The following NEIL3 variants were observed in gnomAD, a reference collection of about 807,000 sequenced individuals.
NEIL3 encodes endonuclease 8-like 3.
NEIL3 carries 48 observed loss-of-function variants against 57.5 expected under a neutral mutation model. The observed-to-expected ratio is 0.83, with a 90% CI of 0.66 to 1.06. The LOEUF (loss-of-function observed/expected upper bound fraction) is 1.06, where lower values mean the gene tolerates loss of function less well. Among genes scored for constraint, NEIL3 ranks in the 50% least tolerant of loss-of-function variants. NEIL3 has a pLI of 0.00. For synonymous variants in NEIL3, 261 were observed against 253.2 expected, an observed-to-expected ratio of 1.03 and a Z score of -0.29; for missense variants, 717 against 739.1, an observed-to-expected ratio of 0.97 and a Z score of 0.35.
chr4:177,324,485 C>T (rs1035280011), intron 2 of NEIL3, among the ~76,000 whole-genome samples: 27 of 152,114 alleles, frequency 1.8e-4, no homozygotes, highest in African/African-American at 6.5e-4. Flanking sequence ...CTGTAAAAAT[C>T]CACACATCAG....
intron 7 of NEIL3, among the ~76,000 whole-genome samples, chr4:177,352,341 G>T (rs1165806213): frequency 6.6e-6 from 1 of 152,174 alleles, no homozygotes; most frequent in Non-Finnish European, 1.5e-5. Flanking sequence ...CTTCAGCAGA[G>T]GCGGAGCCCA....
intron 6 of NEIL3, among the ~76,000 whole-genome samples, chr4:177,348,323 C>T (rs986882348): frequency 6.6e-6 from 1 of 151,994 alleles, no homozygotes; most frequent in East Asian, 1.9e-4. Context: ...GCCTCAGGTT[C>T]CCCCCCTCTA....
chr4:177,314,836 G>T (rs2111109757), intron 1 of NEIL3, among the ~76,000 whole-genome samples: 1 of 152,232 alleles, frequency 6.6e-6, no homozygotes, highest in South Asian at 2.1e-4. Context: ...CCAGCACTTT[G>T]GGAGGCTGAG....
At chr4:177,361,114 C>G (rs1735599880) in intron 9 of NEIL3, among the ~76,000 whole-genome samples, 1 of 129,384 alleles carries the variant, frequency 7.7e-6, no homozygotes, top group Non-Finnish European at 1.7e-5. Flanking sequence ...TTACAATAAC[C>G]TTATCAAATC....
At chr4:177,320,097 G>A (rs6823018) in intron 1 of NEIL3, among the ~76,000 whole-genome samples, 22,262 of 152,000 alleles carry the variant, frequency 0.15, 3,107 homozygotes, top group African/African-American at 0.36. Flanking sequence ...CAAGTTTATA[G>A]GAACTTTTTA....
downstream of NEIL3, among the ~76,000 whole-genome samples, chr4:177,366,362 A>C (rs1735692591): frequency 6.6e-6 from 1 of 152,154 alleles, no homozygotes; most frequent in South Asian, 2.1e-4. Context: ...TTAATTATCT[A>C]TTACCAAATT....
At chr4:177,360,860 AT>A (rs1339092519) in intron 9 of NEIL3, among the ~76,000 whole-genome samples, 183 bp downstream of exon 9, 4 of 152,218 alleles carry the variant, frequency 2.6e-5, no homozygotes, top group Non-Finnish European at 5.9e-5. Context: ...GCCACAAGAA[AT>A]TTAATAAAAT....
chr4:177,327,486 G>A (rs1848117), intron 2 of NEIL3, among the ~76,000 whole-genome samples: 88,214 of 152,012 alleles, frequency 0.58, 26,519 homozygotes, highest in African/African-American at 0.75. Context: ...TTACATAGGT[G>A]TACATGTGCC....
At chr4:177,337,812 G>GTGGTGAAACCATCCTGGCCAACA (rs1380217363) in intron 4 of NEIL3, among the ~76,000 whole-genome samples, 4 of 152,008 alleles carry the variant, frequency 2.6e-5, no homozygotes, top group Admixed American at 6.6e-5. Flanking sequence ...CCTGGCCAAC[G>GTGGTGAAACCATCCTGGCCAACA]TGGTGAAACC....
intron 4 of NEIL3, among the ~76,000 whole-genome samples, chr4:177,336,575 G>A (rs1201255496): frequency 1.3e-5 from 2 of 151,974 alleles, no homozygotes; most frequent in Non-Finnish European, 2.9e-5. Context: ...CCTGCTTTTT[G>A]TTCTCTCCAT....
chr4:177,344,916 A>G (rs1331161032), intron 6 of NEIL3, among the ~76,000 whole-genome samples: 15 of 152,076 alleles, frequency 9.9e-5, no homozygotes, highest in Admixed American at 9.8e-4. Flanking sequence ...TGTGAGTATT[A>G]TTTCCTTTAA....
rs1735349631 is a variant in NEIL3 at position 177,351,443 on chromosome 4, C to T, written c.933C>T (p.Asp311=). ...WTSSRVDHVM[D]SVARKSEEHW... is the part of the protein sequence containing the mutation. ...CTAGCAGGGTGGATCATGTTATGGA[C>T]TCCGTGGCTCGGAAGTCGGAAGAGC... The change falls in exon 7 of 10, where the codon GAC becomes GAT. Residue 311 remains aspartate (D), a synonymous_variant. Transcript: ENST00000264596. The T allele has an allele frequency of 6.2e-7, 1 of 1,613,664 alleles. No individual in the cohort carries two copies. The highest frequency in any genetic ancestry group is 8.5e-7 in the Non-Finnish European group (1 of 1,179,784).
intron 1 of NEIL3, 94 bp from the exon 2 acceptor site, chr4:177,322,365 T>C: frequency 6.6e-7 from 1 of 1,512,414 alleles, no homozygotes; most frequent in East Asian, 2.3e-5. Flanking sequence ...CACCTGGGCG[T>C]GAAGTAATAT....
chr4:177,333,738 C>A (rs775186800), intron 2 of NEIL3, among the ~76,000 whole-genome samples: 10 of 152,170 alleles, frequency 6.6e-5, no homozygotes, highest in Non-Finnish European at 1.3e-4. Flanking sequence ...CATATGAGAT[C>A]TCTTAATGCT....
intron 1 of NEIL3, among the ~76,000 whole-genome samples, chr4:177,310,785 C>A (rs1734462044): frequency 6.6e-6 from 1 of 152,192 alleles, no homozygotes. Flanking sequence ...ATTAAGGCAT[C>A]ATGTTTTAAA....
intron 1 of NEIL3, among the ~76,000 whole-genome samples, chr4:177,321,157 T>G (rs1047759808): frequency 6.6e-6 from 1 of 152,062 alleles, no homozygotes; most frequent in Non-Finnish European, 1.5e-5. Flanking sequence ...TGAGGAAAAA[T>G]TGTGACTTGT....
intron 2 of NEIL3, among the ~76,000 whole-genome samples, chr4:177,328,552 A>G (rs1340249579): frequency 6.6e-6 from 1 of 152,114 alleles, no homozygotes; most frequent in East Asian, 1.9e-4. Flanking sequence ...TGAAAGAAAA[A>G]CCTCTCAACT....
chr4:177,348,555 A>C (rs533068944), intron 6 of NEIL3, among the ~76,000 whole-genome samples: 190 of 152,196 alleles, frequency 1.2e-3, no homozygotes, highest in South Asian at 3.3e-3. Context: ...AGGCGCCAGG[A>C]TTACCGCTGC....
downstream of NEIL3, among the ~76,000 whole-genome samples, chr4:177,364,817 A>G (rs181587329): frequency 7.2e-5 from 11 of 151,988 alleles, no homozygotes; most frequent in Non-Finnish European, 1.2e-4. Context: ...AGTCCCAGCT[A>G]CTGTGGAGGC....
Sources: gnomAD v4.1 joint callset for allele counts (sites outside exome capture counted in the v4.1 genomes callset) on GRCh38, gnomAD v4.1.1 for gene constraint, MANE v1.5 for transcripts, NCBI Gene and HGNC (gene_info 2026-07-23, HGNC 2026-07-21) for gene names.